The following LRFN5 variants were observed in gnomAD, a reference collection of about 807,000 sequenced individuals.
LRFN5 encodes the protein leucine-rich repeat and fibronectin type-III domain-containing protein 5.
In LRFN5, 24 loss-of-function variants were observed where a neutral mutation model predicts 45.6. The ratio of observed to expected loss-of-function variants is 0.53; its 90% CI spans 0.38 to 0.74. LRFN5 has a LOEUF of 0.74. Among genes scored for constraint, LRFN5 ranks in the 30% least tolerant of loss-of-function variants. The probability of loss-of-function intolerance (pLI) is 0.00; values close to 1 mark genes in which losing one functional copy is unlikely to be tolerated. For synonymous variants in LRFN5, 340 were observed against 313.8 expected (o/e 1.08, Z -0.88); for missense variants, 776 against 861.5 (o/e 0.90, Z 1.24).
chr14:41,846,916 C>T (rs1397831706), intron 2 of LRFN5, among the ~76,000 whole-genome samples: 1 of 152,070 alleles, frequency 6.6e-6, no homozygotes, highest in Middle Eastern at 3.2e-3. Flanking sequence ...TTCAAAGCGA[C>T]AAAGTTGGGC....
At chr14:41,867,664 C>T (rs530301213) in intron 2 of LRFN5, among the ~76,000 whole-genome samples, 16 of 152,178 alleles carry the variant, frequency 1.1e-4, no homozygotes, top group African/African-American at 2.9e-4. Context: ...ATTACATTCT[C>T]CTTATGTATT....
chr14:41,627,555 C>T (rs1888376335), intron 1 of LRFN5, among the ~76,000 whole-genome samples: 1 of 152,102 alleles, frequency 6.6e-6, no homozygotes, highest in South Asian at 2.1e-4. Context: ...CAACAAAATT[C>T]TCATTGACGT....
At chr14:41,722,392 C>T (rs929399743) in intron 1 of LRFN5, among the ~76,000 whole-genome samples, 4 of 152,024 alleles carry the variant, frequency 2.6e-5, no homozygotes, top group African/African-American at 9.7e-5. Flanking sequence ...TGACCGTTAC[C>T]GGAGAGCTAG....
At chr14:41,754,472 C>A (rs911394285) in intron 1 of LRFN5, among the ~76,000 whole-genome samples, 1 of 152,086 alleles carries the variant, frequency 6.6e-6, no homozygotes, top group East Asian at 1.9e-4. Flanking sequence ...AGAGATTCAA[C>A]TTCTTCCTGG....
chr14:41,748,666 T>TA (rs1166961915), intron 1 of LRFN5, among the ~76,000 whole-genome samples: 1 of 152,082 alleles, frequency 6.6e-6, no homozygotes, highest in African/African-American at 2.4e-5. Context: ...TGTGCATTTT[T>TA]ACCCCAATAT....
chr14:41,750,327 G>GTA (rs1885079949), intron 1 of LRFN5, among the ~76,000 whole-genome samples: 1 of 147,998 alleles, frequency 6.8e-6, no homozygotes, highest in African/African-American at 2.5e-5. Flanking sequence ...AAGATTTCAT[G>GTA]TATATATATT....
intron 1 of LRFN5, among the ~76,000 whole-genome samples, chr14:41,758,614 A>G (rs76895479): frequency 0.012 from 1,787 of 152,294 alleles, 35 homozygotes; most frequent in African/African-American, 0.04. Context: ...TGAACAAGAA[A>G]AGACCAAGGA....
At chr14:41,900,165 G>T (rs1228665501) in intron 5 of LRFN5, among the ~76,000 whole-genome samples, 1 of 151,928 alleles carries the variant, frequency 6.6e-6, no homozygotes, top group African/African-American at 2.4e-5. Flanking sequence ...ATTTAGGATA[G>T]GATACCTTTA....
chr14:41,822,273 A>G (rs1407326772), intron 2 of LRFN5, among the ~76,000 whole-genome samples: 1 of 151,668 alleles, frequency 6.6e-6, no homozygotes, highest in Non-Finnish European at 1.5e-5. Context: ...GATCTTTTCT[A>G]TCCTTTCAAT....
At chr14:41,639,727 C>T (rs986580558) in intron 1 of LRFN5, among the ~76,000 whole-genome samples, 1 of 151,816 alleles carries the variant, frequency 6.6e-6, no homozygotes, top group African/African-American at 2.4e-5. Context: ...AAAACTGTTG[C>T]ATTGATGGTA....
intron 2 of LRFN5, among the ~76,000 whole-genome samples, chr14:41,837,525 C>A (rs1435720918): frequency 1.3e-5 from 2 of 152,120 alleles, no homozygotes; most frequent in Non-Finnish European, 2.9e-5. Context: ...CTAAAAGCAA[C>A]CTCTCAGCTG....
At chr14:41,794,536 A>T (rs939122701) in intron 2 of LRFN5, among the ~76,000 whole-genome samples, 7 of 152,012 alleles carry the variant, frequency 4.6e-5, no homozygotes, top group Non-Finnish European at 1.5e-5. Flanking sequence ...CTCTCTCCTC[A>T]ACAGGAGTGT....
At chr14:41,845,293 C>A (rs998904279) in intron 2 of LRFN5, among the ~76,000 whole-genome samples, 3 of 152,034 alleles carry the variant, frequency 2.0e-5, no homozygotes, top group African/African-American at 7.2e-5. Context: ...AACCAGACAG[C>A]ATGTATAGTC....
At chr14:41,634,259 AAAT>A (rs1182705567) in intron 1 of LRFN5, among the ~76,000 whole-genome samples, 1 of 152,096 alleles carries the variant, frequency 6.6e-6, no homozygotes, top group Non-Finnish European at 1.5e-5. Context: ...ATCTTTTCTT[AAAT>A]TAGATTTTTC....
intron 3 of LRFN5, among the ~76,000 whole-genome samples, chr14:41,890,302 A>G (rs923972340): frequency 1.3e-5 from 2 of 152,224 alleles, no homozygotes; most frequent in African/African-American, 2.4e-5. Flanking sequence ...TGCCTTGTTC[A>G]TGTTTCTAGG....
chr14:41,901,928 ATAAT>A (rs1891112554), intron 5 of LRFN5, among the ~76,000 whole-genome samples: 1 of 152,010 alleles, frequency 6.6e-6, no homozygotes, highest in Admixed American at 6.6e-5. Context: ...TGTTTTTATA[ATAAT>A]TAAAGCATGT....
At chr14:41,847,284 C>T (rs1004419201) in intron 2 of LRFN5, among the ~76,000 whole-genome samples, 1 of 152,024 alleles carries the variant, frequency 6.6e-6, no homozygotes, top group Non-Finnish European at 1.5e-5. Flanking sequence ...AGAAACCTGA[C>T]TTCTATATTC....
intron 2 of LRFN5, among the ~76,000 whole-genome samples, chr14:41,783,707 G>A (rs1034362959): frequency 2.7e-5 from 4 of 147,496 alleles, no homozygotes; most frequent in Non-Finnish European, 4.5e-5. Flanking sequence ...AAAAAAAGGG[G>A]ATGTTCTGTT....
rs1352473355 is a variant in LRFN5, at chr14:41,886,995, A to G, written c.370A>G (p.Asn124Asp). The G allele has an allele frequency of 1.2e-6, 2 of 1,614,170 alleles. No individual in the cohort carries two copies. The highest frequency in any genetic ancestry group is 1.7e-5 in the Admixed American group (1 of 60,020). The change falls in exon 3 of 6, where the codon AAT becomes GAT. Residue 124 changes from asparagine to aspartate, a missense_variant. Asn to Asp is a conservative substitution (Grantham distance 23). Around this residue, in one of 2 missense-constraint regions of LRFN5, gnomAD observed 311 missense variants for 405.1 expected, o/e 0.77. Coordinates refer to ENST00000298119, the MANE Select transcript of LRFN5 (RefSeq NM_152447.5). ...AAATGATATGTTCAGTGGTCTTTCC[A>G]ATCTTCATCATTTGATACTGAACAA... ...ITNDMFSGLS[N>D]LHHLILNNNQ...
Sources: gnomAD v4.1 joint callset for allele counts (sites outside exome capture counted in the v4.1 genomes callset) on GRCh38, gnomAD v4.1.1 for gene constraint, gnomAD v4.1.1 regional missense constraint, MANE v1.5 for transcripts, NCBI Gene and HGNC (gene_info 2026-07-23, HGNC 2026-07-21) for gene names.